The following RPH3A variants were observed in gnomAD, a reference collection of about 807,000 sequenced individuals.
The protein encoded by RPH3A is rabphilin 3A.
In RPH3A, 48 loss-of-function variants were observed where a neutral mutation model predicts 102.2. The ratio of observed to expected loss-of-function variants is 0.47; its 90% CI spans 0.37 to 0.60. RPH3A has a LOEUF of 0.60. Ranked by LOEUF, RPH3A falls within the 20% of genes least tolerant of loss-of-function variation. The pLI is 0.00. For missense variants in RPH3A, 781 were observed against 910.1 expected (o/e 0.86, Z 1.83); for synonymous variants, 310 against 324.3 (o/e 0.96, Z 0.47).
intron 1 of RPH3A, among the ~76,000 whole-genome samples, chr12:112,621,588 A>T (rs2039725829): frequency 6.7e-6 from 1 of 149,592 alleles, no homozygotes; most frequent in Non-Finnish European, 1.5e-5. Flanking sequence ...TTGCTAGCAC[A>T]GCATTCTGAG....
intron 15 of RPH3A, among the ~76,000 whole-genome samples, chr12:112,882,122 A>G (rs1370960239): frequency 6.6e-6 from 1 of 152,200 alleles, no homozygotes; most frequent in Non-Finnish European, 1.5e-5. Context: ...GATGCCCTTC[A>G]TCTGCTCGAA....
rs1416539372 is a variant in RPH3A, at chr12:112,816,602, C to G, written c.-18-11699C>G. 3.9e-5 allele frequency among the ~76,000 whole-genome samples: 6 copies of G among 152,276 alleles called. No homozygotes were observed. The East Asian group carries it at 1.2e-3, about 29-fold the overall frequency. ...CAGGTCATGTGGCCACTCCCAGCTT[C>G]CCCAGGGAAAGGGAGGGCCAATCTC... On this transcript the variant is annotated intron_variant, in intron 2 of 21. Coordinates refer to ENST00000389385, the MANE Select transcript of RPH3A (RefSeq NM_001143854.2).
At chr12:112,809,284 T>C (rs2041526814) in intron 2 of RPH3A, among the ~76,000 whole-genome samples, 1 of 152,164 alleles carries the variant, frequency 6.6e-6, no homozygotes, top group South Asian at 2.1e-4. Context: ...TATGCCAGTA[T>C]CTTTTGACCA....
chr12:112,714,432 A>G (rs1304395952), intron 1 of RPH3A, among the ~76,000 whole-genome samples: 1 of 152,194 alleles, frequency 6.6e-6, no homozygotes, highest in Non-Finnish European at 1.5e-5. Context: ...CAGCTTGCAC[A>G]GTCATCAGCG....
At chr12:112,661,078 C>T (rs1169413957) in intron 1 of RPH3A, among the ~76,000 whole-genome samples, 3 of 152,084 alleles carry the variant, frequency 2.0e-5, no homozygotes, top group African/African-American at 7.2e-5. Context: ...ATAGTGCCTA[C>T]CTCAGAGGGT....
intron 10 of RPH3A, chr12:112,874,143 C>T (rs1810222430): frequency 6.6e-6 from 1 of 152,230 alleles, no homozygotes; most frequent in Non-Finnish European, 1.5e-5. Flanking sequence ...GGAAAGATGG[C>T]ATCTAGCCCA....
chr12:112,613,626 C>A (rs540015078), intron 1 of RPH3A, among the ~76,000 whole-genome samples: 6 of 152,080 alleles, frequency 3.9e-5, no homozygotes, highest in African/African-American at 1.4e-4. Context: ...ATAGTGAGAC[C>A]CTGTCTTTAC....
At chr12:112,665,231 G>A (rs2136005714) in intron 1 of RPH3A, among the ~76,000 whole-genome samples, 1 of 152,294 alleles carries the variant, frequency 6.6e-6, no homozygotes, top group South Asian at 2.1e-4. Context: ...GACCAAGATG[G>A]CCTCCAACTT....
At chr12:112,766,394 C>G (rs568932013) in intron 1 of RPH3A, among the ~76,000 whole-genome samples, 25 of 152,198 alleles carry the variant, frequency 1.6e-4, no homozygotes, top group Non-Finnish European at 3.1e-4. Context: ...TATTACATGA[C>G]TCTCCAGCTC....
intron 1 of RPH3A, among the ~76,000 whole-genome samples, chr12:112,679,209 A>G (rs1157581181): frequency 1.3e-5 from 2 of 151,504 alleles, no homozygotes; most frequent in African/African-American, 4.8e-5. Context: ...GCTGGAGTGC[A>G]GTGGCGCAGT....
At chr12:112,810,400 C>T (rs142084441) in intron 2 of RPH3A, among the ~76,000 whole-genome samples, 169 of 152,284 alleles carry the variant, frequency 1.1e-3, no homozygotes, top group African/African-American at 3.7e-3. Context: ...CTGCGGATGC[C>T]GGAGATTGAC....
At chr12:112,877,400 G>A (rs144013855) in intron 13 of RPH3A, among the ~76,000 whole-genome samples, 93 of 134,678 alleles carry the variant, frequency 6.9e-4, no homozygotes, top group African/African-American at 2.6e-3. Flanking sequence ...ACGCACACAC[G>A]TATACACACA....
chr12:112,794,685 C>T (rs748139099), intron 2 of RPH3A, among the ~76,000 whole-genome samples: 2 of 152,194 alleles, frequency 1.3e-5, no homozygotes, highest in African/African-American at 4.8e-5. Context: ...GAGCACCCCC[C>T]CAAGTTCAGG....
At chr12:112,685,984 A>T (rs1049838187) in intron 1 of RPH3A, among the ~76,000 whole-genome samples, 3 of 152,092 alleles carry the variant, frequency 2.0e-5, no homozygotes, top group African/African-American at 7.2e-5. Context: ...GAAACCACCA[A>T]TCTCCTGTTC....
chr12:112,748,489 A>G (rs147242396), intron 1 of RPH3A, among the ~76,000 whole-genome samples: 1 of 152,114 alleles, frequency 6.6e-6, no homozygotes, highest in Non-Finnish European at 1.5e-5. Context: ...ACATGCCACC[A>G]TGCTTAGCTA....
chr12:112,586,703 T>A (rs1023276814), intron 1 of RPH3A, among the ~76,000 whole-genome samples: 1 of 152,156 alleles, frequency 6.6e-6, no homozygotes, highest in Non-Finnish European at 1.5e-5. Context: ...CATGTCCTCA[T>A]GTAATCTTCC....
intron 1 of RPH3A, among the ~76,000 whole-genome samples, chr12:112,589,847 C>A (rs112505310): frequency 6.6e-6 from 1 of 151,896 alleles, no homozygotes; most frequent in African/African-American, 2.4e-5. Context: ...CTTTGAGAAG[C>A]TGAGGTGGGC....
At chr12:112,707,054 A>T (rs764887915) in intron 1 of RPH3A, among the ~76,000 whole-genome samples, 160 of 152,290 alleles carry the variant, frequency 1.1e-3, no homozygotes, top group Non-Finnish European at 1.7e-3. Flanking sequence ...AGGGGTTTTT[A>T]AACAGTGCTT....
intron 1 of RPH3A, among the ~76,000 whole-genome samples, chr12:112,704,365 C>T (rs1206500991): frequency 1.3e-5 from 2 of 152,192 alleles, no homozygotes; most frequent in Non-Finnish European, 1.5e-5. Flanking sequence ...GCTGGGATTA[C>T]AGGCATCAGC....
Sources: allele counts gnomAD v4.1 joint callset (sites outside exome capture counted in the v4.1 genomes callset), GRCh38; gene constraint gnomAD v4.1.1; transcripts MANE v1.5; gene names NCBI Gene and HGNC (gene_info 2026-07-23, HGNC 2026-07-21).